PHACTR3: variants seen among roughly 807,000 people sequenced by gnomAD.
PHACTR3 encodes the protein phosphatase and actin regulator 3, also known as protein phosphatase 1, regulatory subunit 123.
In PHACTR3, 16 loss-of-function variants were observed where a neutral mutation model predicts 66.8. The ratio of observed to expected loss-of-function variants is 0.24; its 90% CI spans 0.16 to 0.36. The LOEUF is 0.36. PHACTR3 is among the 10% of genes least tolerant of loss of function. The probability of loss-of-function intolerance (pLI) is 1.00; values close to 1 mark genes in which losing one functional copy is unlikely to be tolerated. For missense variants in PHACTR3, 647 were observed against 719.9 expected (o/e 0.90, Z 1.16); for synonymous variants, 323 against 292.1 (o/e 1.11, Z -1.08).
intron 1 of PHACTR3, among the ~76,000 whole-genome samples, chr20:59,597,894 A>T (rs2033368763): frequency 6.6e-6 from 1 of 152,192 alleles, no homozygotes; most frequent in African/African-American, 2.4e-5. Context: ...ATGGTGACAA[A>T]TGCTTTTTCT....
intron 1 of PHACTR3, among the ~76,000 whole-genome samples, chr20:59,669,290 CTG>C (rs2036109622): frequency 6.6e-6 from 1 of 152,184 alleles, no homozygotes; most frequent in African/African-American, 2.4e-5. Flanking sequence ...TGTCTCAAGA[CTG>C]TGTTAACTAC....
At chr20:59,846,531 A>G (rs1321804339) in intron 12 of PHACTR3, among the ~76,000 whole-genome samples, 1 of 152,194 alleles carries the variant, frequency 6.6e-6, no homozygotes, top group Non-Finnish European at 1.5e-5. Flanking sequence ...AATAGAATGA[A>G]TACATATTCT....
intron 8 of PHACTR3, among the ~76,000 whole-genome samples, chr20:59,813,531 C>G (rs1020568976): frequency 8.5e-5 from 13 of 152,160 alleles, no homozygotes; most frequent in Admixed American, 1.3e-4. Context: ...ACGTGCTAGG[C>G]GCTGGGGTGC....
intron 8 of PHACTR3, among the ~76,000 whole-genome samples, chr20:59,819,690 C>T (rs144036320): frequency 1.0e-3 from 156 of 152,110 alleles, no homozygotes; most frequent in African/African-American, 3.3e-3. Flanking sequence ...ACTGAGGCAC[C>T]TGGTTGGGCC....
Position 59,709,716 on chromosome 20 carries a change from A to G in PHACTR3, c.119-33391A>G, listed in dbSNP as rs150832635. On this transcript the variant is annotated intron_variant, in intron 1 of 12. Coordinates refer to ENST00000371015, the MANE Select transcript of PHACTR3 (RefSeq NM_080672.5). ...GTTTTAGGAAGAAATTAGATTTTTC[A>G]TGCCTTGAGCCTCCCCTTTGTCCAG... Among the ~76,000 whole-genome samples, 291 of 152,272 alleles carry G rather than the reference A, an allele frequency of 1.9e-3. 1 individual carries two copies. Among genetic ancestry groups the G allele is most frequent in the African/African-American group, 6.6e-3 (275 of 41,554 alleles).
intron 1 of PHACTR3, among the ~76,000 whole-genome samples, chr20:59,646,952 T>C (rs533374731): frequency 1.8e-3 from 281 of 152,200 alleles, no homozygotes; most frequent in Non-Finnish European, 3.2e-3. Flanking sequence ...ATTAAAGGGA[T>C]TTTTGTCTTT....
intron 1 of PHACTR3, among the ~76,000 whole-genome samples, chr20:59,589,955 G>A (rs577465380): frequency 5.3e-5 from 8 of 152,332 alleles, no homozygotes; most frequent in East Asian, 1.9e-4. Context: ...TCAGACAGCC[G>A]CCGTCGTGGA....
chr20:59,676,810 C>G (rs2036462726), intron 1 of PHACTR3: 1 of 883,666 alleles, frequency 1.1e-6, no homozygotes, highest in Admixed American at 6.2e-5. Context: ...AGGGCAGGGA[C>G]TCTGCTTAGG....
At chr20:59,600,428 A>G (rs2033443577), upstream of PHACTR3, among the ~76,000 whole-genome samples, 1 of 152,172 alleles carries the variant, frequency 6.6e-6, no homozygotes, top group Non-Finnish European at 1.5e-5. Context: ...GAAATATTGG[A>G]TGGTTGGATG....
At chr20:59,836,466 C>A in intron 8 of PHACTR3, 39 bp from the exon 9 acceptor site, 1 of 1,595,320 alleles carries the variant, frequency 6.3e-7, no homozygotes, top group Non-Finnish European at 8.5e-7. Flanking sequence ...TGCAGGCAGC[C>A]ACTATGGTGC....
At chr20:59,581,549 C>T (rs768799816) in intron 1 of PHACTR3, among the ~76,000 whole-genome samples, 10 of 152,146 alleles carry the variant, frequency 6.6e-5, no homozygotes, top group African/African-American at 9.7e-5. Context: ...TTGATCGCTC[C>T]GTTTTTGTTT....
intron 1 of PHACTR3, among the ~76,000 whole-genome samples, chr20:59,679,499 G>A (rs918761497): frequency 1.3e-5 from 2 of 152,076 alleles, no homozygotes; most frequent in Admixed American, 6.5e-5. Flanking sequence ...ATAGGGCTTA[G>A]GACAGCTTTT....
chr20:59,794,926 A>G (rs535769282), intron 7 of PHACTR3, among the ~76,000 whole-genome samples: 9 of 152,150 alleles, frequency 5.9e-5, no homozygotes, highest in Middle Eastern at 3.4e-3. Flanking sequence ...TTCTTAGTCT[A>G]AAGATTTGTC....
chr20:59,756,620 C>T (rs1016394993), intron 4 of PHACTR3, among the ~76,000 whole-genome samples: 1 of 151,988 alleles, frequency 6.6e-6, no homozygotes, highest in African/African-American at 2.4e-5. Flanking sequence ...GAGGCCCCCT[C>T]CACACACACA....
intron 1 of PHACTR3, among the ~76,000 whole-genome samples, chr20:59,599,377 G>A (rs1167981445): frequency 6.6e-6 from 1 of 152,224 alleles, no homozygotes; most frequent in Non-Finnish European, 1.5e-5. Context: ...GAACTTCAAG[G>A]CTCCCAGGGC....
At chr20:59,683,502 A>C (rs906015932) in intron 1 of PHACTR3, among the ~76,000 whole-genome samples, 1 of 150,270 alleles carries the variant, frequency 6.7e-6, no homozygotes, top group Non-Finnish European at 1.5e-5. Context: ...TTTTTTTTCA[A>C]ATTTAAACTC....
At chr20:59,635,369 G>A (rs2034860826) in intron 1 of PHACTR3, among the ~76,000 whole-genome samples, 1 of 150,624 alleles carries the variant, frequency 6.6e-6, no homozygotes, top group African/African-American at 2.5e-5. Context: ...CAATAGTTGG[G>A]ATTACGGGCG....
intron 1 of PHACTR3, among the ~76,000 whole-genome samples, chr20:59,666,750 T>A (rs2036004974): frequency 6.6e-6 from 1 of 152,012 alleles, no homozygotes; most frequent in Non-Finnish European, 1.5e-5. Flanking sequence ...ACATGCAGAC[T>A]GAAGCAGGGG....
chr20:59,809,094 C>T (rs573239091), intron 8 of PHACTR3, among the ~76,000 whole-genome samples: 22 of 152,234 alleles, frequency 1.4e-4, no homozygotes, highest in East Asian at 7.7e-4. Flanking sequence ...CTTTTCATTT[C>T]GAGGAAGGGT....
Sources: gnomAD v4.1 joint callset for allele counts (sites outside exome capture counted in the v4.1 genomes callset) on GRCh38, gnomAD v4.1.1 for gene constraint, MANE v1.5 for transcripts, NCBI Gene and HGNC (gene_info 2026-07-23, HGNC 2026-07-21) for gene names.